Variants in ARHGEF7 observed in about 807,000 individuals in gnomAD.
ARHGEF7 encodes the protein PAK-interacting exchange factor beta.
Under a neutral mutation model 109.8 loss-of-function variants are expected in ARHGEF7, and 33 were observed. The observed-to-expected ratio is 0.30, with a 90% confidence interval of 0.23 to 0.40. The LOEUF (loss-of-function observed/expected upper bound fraction) is 0.40, where lower values mean the gene tolerates loss of function less well. Among genes scored for constraint, ARHGEF7 ranks in the 10% least tolerant of loss-of-function variants. ARHGEF7 has a pLI of 1.00. For missense variants in ARHGEF7, 938 were observed against 1,098.5 expected (o/e 0.85, Z 2.07); for synonymous variants, 458 against 424.6 (o/e 1.08, Z -0.97).
intron 2 of ARHGEF7, among the ~76,000 whole-genome samples, chr13:111,204,749 C>G (rs1705758526): frequency 6.6e-6 from 1 of 152,194 alleles, no homozygotes; most frequent in South Asian, 2.1e-4. Flanking sequence ...TCTCTTGTCC[C>G]TGCCCCTTTC....
chr13:111,229,656 G>C (rs78090162), intron 5 of ARHGEF7, among the ~76,000 whole-genome samples: 3,297 of 152,264 alleles, frequency 0.022, 99 homozygotes, highest in African/African-American at 0.073. Context: ...GGCTGATACT[G>C]TTTAATGGTG....
chr13:111,152,843 T>C (rs2075966717), intron 1 of ARHGEF7, among the ~76,000 whole-genome samples: 1 of 152,266 alleles, frequency 6.6e-6, no homozygotes, highest in Non-Finnish European at 1.5e-5. Flanking sequence ...TAAAATTTTC[T>C]AGTAATTGGT....
At chr13:111,204,874 C>T (rs958855250) in intron 2 of ARHGEF7, among the ~76,000 whole-genome samples, 1 of 152,210 alleles carries the variant, frequency 6.6e-6, no homozygotes, top group Non-Finnish European at 1.5e-5. Context: ...TGTCATTTTC[C>T]CTTATTTTCT....
At chr13:111,245,334 G>A (rs913437517) in intron 8 of ARHGEF7, among the ~76,000 whole-genome samples, 3 of 152,058 alleles carry the variant, frequency 2.0e-5, no homozygotes, top group Non-Finnish European at 4.4e-5. Flanking sequence ...GCTGGTTGTC[G>A]TATAAGAACC....
chr13:111,215,977 T>G (rs1170155136), intron 4 of ARHGEF7, among the ~76,000 whole-genome samples: 1 of 152,134 alleles, frequency 6.6e-6, no homozygotes, highest in African/African-American at 2.4e-5. Context: ...GGGAGGTAAA[T>G]TTTTGAGATC....
At chr13:111,137,842 A>G (rs1387478624) in intron 1 of ARHGEF7, among the ~76,000 whole-genome samples, 1 of 152,200 alleles carries the variant, frequency 6.6e-6, no homozygotes. Context: ...TAGGGTTGGG[A>G]AGAACTATAG....
chr13:111,218,313 A>G (rs1299183048), intron 5 of ARHGEF7, among the ~76,000 whole-genome samples: 3 of 152,072 alleles, frequency 2.0e-5, no homozygotes, highest in Admixed American at 2.0e-4. Context: ...TAGTGATAGT[A>G]TTTTACAAAT....
intron 2 of ARHGEF7, among the ~76,000 whole-genome samples, chr13:111,157,047 C>T (rs1221808001): frequency 2.6e-5 from 4 of 152,098 alleles, no homozygotes; most frequent in African/African-American, 4.8e-5. Flanking sequence ...GCATGCCCTC[C>T]TTAATTACCT....
At chr13:111,249,989 G>A (rs776981118) in intron 8 of ARHGEF7, among the ~76,000 whole-genome samples, 4 of 152,210 alleles carry the variant, frequency 2.6e-5, no homozygotes, top group Non-Finnish European at 5.9e-5. Context: ...GTGCCTCTAG[G>A]CAGTTACTTT....
At chr13:111,153,861 C>T (rs774757348) in intron 1 of ARHGEF7, 44 bp from the exon 2 acceptor site, 25 of 1,576,644 alleles carry the variant, frequency 1.6e-5, no homozygotes, top group Non-Finnish European at 2.1e-5. Flanking sequence ...CGCGGCGTCC[C>T]CGCTGCCGGC....
intron 16 of ARHGEF7, among the ~76,000 whole-genome samples, chr13:111,284,339 A>T (rs1445177473): frequency 6.6e-6 from 1 of 152,186 alleles, no homozygotes; most frequent in Non-Finnish European, 1.5e-5. Context: ...AAAGTACTGT[A>T]TGAGAAATTA....
In ARHGEF7 at chr13:111,243,978, G is replaced by A. The variant is rs1262568689; in HGVS notation, c.854+12G>A. ...CAGACCAGTGAGAAGTAAGTTAGAT[G>A]ATAAATTGCATTAACTGTAAAATAG... On this transcript the variant is annotated intron_variant, in intron 7 of 21. Transcript: ENST00000646102. The A allele has an allele frequency of 6.3e-7, 1 of 1,588,160 alleles. No homozygotes were observed. The highest frequency in any genetic ancestry group is 1.1e-5 in the South Asian group (1 of 90,056).
At chr13:111,210,557 T>C (rs1322454737) in intron 4 of ARHGEF7, among the ~76,000 whole-genome samples, 3 of 152,144 alleles carry the variant, frequency 2.0e-5, no homozygotes, top group Non-Finnish European at 4.4e-5. Flanking sequence ...GAAAAAATAC[T>C]CGTTTAAAAA....
intron 2 of ARHGEF7, among the ~76,000 whole-genome samples, chr13:111,196,745 G>C (rs755502168): frequency 4.6e-4 from 40 of 86,112 alleles, no homozygotes; most frequent in Non-Finnish European, 8.9e-4. Context: ...ATGGGGGTAA[G>C]CTGAGAGGTC....
chr13:111,123,698 A>T (rs1566590487), intron 1 of ARHGEF7, among the ~76,000 whole-genome samples: 1 of 152,222 alleles, frequency 6.6e-6, no homozygotes, highest in South Asian at 2.1e-4. Flanking sequence ...TATTGAGTGC[A>T]TACTGTATGC....
chr13:111,116,834 A>G (rs977103212), intron 1 of ARHGEF7, among the ~76,000 whole-genome samples: 4 of 152,258 alleles, frequency 2.6e-5, no homozygotes, highest in Non-Finnish European at 5.9e-5. Flanking sequence ...TTTATTTAAT[A>G]TGAATTTGGC....
chr13:111,169,767 G>A (rs1433039664), intron 2 of ARHGEF7, among the ~76,000 whole-genome samples: 1 of 152,176 alleles, frequency 6.6e-6, no homozygotes, highest in Non-Finnish European at 1.5e-5. Context: ...AACATTTAAT[G>A]ATCACCTCTG....
intron 2 of ARHGEF7, among the ~76,000 whole-genome samples, chr13:111,178,147 C>G (rs577675466): frequency 6.6e-6 from 1 of 152,238 alleles, no homozygotes; most frequent in African/African-American, 2.4e-5. Flanking sequence ...CAAGAAAATG[C>G]CAGCTGATCT....
At chr13:111,280,447 T>G (rs1313951183) in intron 14 of ARHGEF7, 91 bp from the exon 15 acceptor site, 5 of 1,584,832 alleles carry the variant, frequency 3.2e-6, no homozygotes, top group Middle Eastern at 1.7e-4. Flanking sequence ...GAAGGTGGTG[T>G]TTAAGCGCTG....
Sources: gnomAD v4.1 joint callset for allele counts (sites outside exome capture counted in the v4.1 genomes callset) on GRCh38, gnomAD v4.1.1 for gene constraint, MANE v1.5 for transcripts, NCBI Gene and HGNC (gene_info 2026-07-23, HGNC 2026-07-21) for gene names.